LCP1: variants seen among roughly 807,000 people sequenced by gnomAD.
The protein encoded by LCP1 is lymphocyte cytosolic protein 1.
A neutral mutation model predicts 72.0 loss-of-function variants in LCP1; 23 were observed. The ratio of observed to expected loss-of-function variants is 0.32; its 90% CI spans 0.23 to 0.45. The LOEUF (loss-of-function observed/expected upper bound fraction) is 0.45. Ranked by LOEUF, LCP1 falls within the 20% of genes least tolerant of loss-of-function variation. The pLI, the probability that LCP1 is intolerant of heterozygous loss-of-function variation, is 1.00. For missense variants in LCP1, 571 were observed against 748.3 expected, an observed-to-expected ratio of 0.76 and a Z score of 2.76; for synonymous variants, 245 against 275.4, an observed-to-expected ratio of 0.89 and a Z score of 1.09.
At chr13:46,179,782 C>G (rs973817043) in intron 1 of LCP1, among the ~76,000 whole-genome samples, 3 of 151,774 alleles carry the variant, frequency 2.0e-5, no homozygotes, top group African/African-American at 4.8e-5. Flanking sequence ...GGAGGTTGAA[C>G]AGAAGGAAGT....
intron 1 of LCP1, among the ~76,000 whole-genome samples, chr13:46,178,698 C>T (rs911013733): frequency 8.5e-5 from 13 of 152,056 alleles, no homozygotes; most frequent in African/African-American, 3.1e-4. Flanking sequence ...GAAATAGTAT[C>T]ATTTCATTTG....
intron 1 of LCP1, among the ~76,000 whole-genome samples, chr13:46,174,777 C>T (rs372919511): frequency 1.2e-4 from 17 of 141,484 alleles, no homozygotes; most frequent in Admixed American, 1.5e-4. Context: ...ACCCAGTAGG[C>T]GGAAGTTGCA....
At chr13:46,172,754 G>A (rs1027385988) in intron 1 of LCP1, among the ~76,000 whole-genome samples, 2 of 146,508 alleles carry the variant, frequency 1.4e-5, no homozygotes, top group Non-Finnish European at 3.0e-5. Flanking sequence ...AATTCTGCCC[G>A]GAAACCATTT....
At chr13:46,150,218 G>T (rs1289166627) in intron 8 of LCP1, among the ~76,000 whole-genome samples, 1 of 152,172 alleles carries the variant, frequency 6.6e-6, no homozygotes, top group Non-Finnish European at 1.5e-5. Flanking sequence ...TTGCATCCCA[G>T]CATCTCCTAC....
chr13:46,153,896 G>A (rs1196486742), intron 6 of LCP1, among the ~76,000 whole-genome samples: 1 of 152,006 alleles, frequency 6.6e-6, no homozygotes, highest in Non-Finnish European at 1.5e-5. Context: ...ACATATAGTC[G>A]AGATAGAGTC....
chr13:46,155,167 T>C (rs2138255258), intron 5 of LCP1, among the ~76,000 whole-genome samples: 1 of 152,282 alleles, frequency 6.6e-6, no homozygotes, highest in Non-Finnish European at 1.5e-5. Flanking sequence ...CTTAGCACAT[T>C]AGGAAATTCT....
At chr13:46,142,453 A>C (rs2045704508) in intron 12 of LCP1, 28 bp from the exon 13 acceptor site, 1 of 1,607,714 alleles carries the variant, frequency 6.2e-7, no homozygotes, top group African/African-American at 1.3e-5. Context: ...AAAACGATTT[A>C]ACGTCATCAT....
intron 4 of LCP1, among the ~76,000 whole-genome samples, chr13:46,157,663 TC>T (rs2045811326): frequency 6.6e-6 from 1 of 152,130 alleles, no homozygotes. Context: ...CAGCAAAGGT[TC>T]TGAAAATTCC....
chr13:46,165,454 T>C (rs1159883262), intron 1 of LCP1, among the ~76,000 whole-genome samples: 1 of 152,106 alleles, frequency 6.6e-6, no homozygotes, highest in Non-Finnish European at 1.5e-5. Context: ...ATTATAAGAT[T>C]AATAAGTAAT....
chr13:46,131,013 G>T (rs1010385431), intron 14 of LCP1, 75 bp from the exon 15 acceptor site: 5 of 1,440,212 alleles, frequency 3.5e-6, no homozygotes, highest in Middle Eastern at 1.8e-4. Context: ...GAAGTGGGTG[G>T]CTTTTTCTTC....
intron 13 of LCP1, among the ~76,000 whole-genome samples, chr13:46,138,682 C>T (rs534216558): frequency 7.2e-5 from 11 of 152,214 alleles, no homozygotes; most frequent in Admixed American, 5.9e-4. Flanking sequence ...AGTCTCGCTC[C>T]GTCACCCAGG....
At position 46,142,278 on chromosome 13, in the gene LCP1, A is replaced by C. The variant is rs745657520; in HGVS notation, c.1502+14T>G. On this transcript the variant is annotated intron_variant, in intron 13 of 15. Transcript: ENST00000323076. ...ATGTATTCAAGAAAAAGCCACTTCC[A>C]TAAGCTATACTACCTTCTCATTAGC... 18 of 1,611,156 alleles carry C rather than the reference A, an allele frequency of 1.1e-5. No individual in the cohort carries two copies. Among genetic ancestry groups the C allele is most frequent in the African/African-American group, 2.7e-5 (2 of 74,924 alleles).
chr13:46,148,036 G>A (rs921589412), intron 9 of LCP1, among the ~76,000 whole-genome samples: 5 of 152,154 alleles, frequency 3.3e-5, no homozygotes, highest in Non-Finnish European at 5.9e-5. Flanking sequence ...TTAAAGTGGC[G>A]GCAAAACAGA....
At chr13:46,164,088 GAAAGCATGGAACAATGTCA>G (rs1411801846) in intron 1 of LCP1, among the ~76,000 whole-genome samples, 2 of 152,168 alleles carry the variant, frequency 1.3e-5, no homozygotes, top group Non-Finnish European at 2.9e-5. Context: ...TAGTTATCCT[GAAAGCATGGAACAATGTCA>G]AAGGTAAGGA....
In LCP1 at chr13:46,127,406, C is replaced by A; in HGVS notation, c.*185G>T. On this transcript the variant is annotated 3_prime_UTR_variant, in exon 16 of 16. Coordinates refer to ENST00000323076, the MANE Select transcript of LCP1 (RefSeq NM_002298.5). ...ACCTATATATAGGAGGTTGGGCCTCCTGCAAAGAATGAAGCACTTTTTGTT... is the reference window on the plus strand; with the variant it reads ...ACCTATATATAGGAGGTTGGGCCTCATGCAAAGAATGAAGCACTTTTTGTT... 1.6e-6 allele frequency: 1 copy of A among 607,484 alleles called. No homozygotes were observed. The highest frequency in any genetic ancestry group is 2.6e-5 in the South Asian group (1 of 39,140). 37.6% of individuals were successfully genotyped at this position (607,484 alleles called of 1,614,324 possible). A position where few individuals can be genotyped will look rare whatever the true frequency, so the allele number is the denominator to read the frequency against.
chr13:46,168,782 T>C (rs1051313564), intron 1 of LCP1, among the ~76,000 whole-genome samples: 4 of 152,238 alleles, frequency 2.6e-5, no homozygotes, highest in African/African-American at 9.6e-5. Context: ...ACCTAAATCT[T>C]TTCTGATACG....
intron 13 of LCP1, among the ~76,000 whole-genome samples, chr13:46,141,773 A>G (rs1191697018): frequency 6.6e-6 from 1 of 152,226 alleles, no homozygotes; most frequent in African/African-American, 2.4e-5. Flanking sequence ...TTGATCTATA[A>G]AATAGTAGGA....
At chr13:46,177,701 AAAACAAAC>A (rs755648927) in intron 1 of LCP1, among the ~76,000 whole-genome samples, 1 of 152,266 alleles carries the variant, frequency 6.6e-6, no homozygotes, top group African/African-American at 2.4e-5. Context: ...TCTGTCTCAA[AAAACAAAC>A]AAACAAACAA....
Position 46,144,563 on chromosome 13 carries a change from CAT to C in LCP1, c.1175-45_1175-44del, listed in dbSNP as rs770362772. Reference sequence around the variant, plus strand: ...GGTTATCTTTTGGGACCGAAGAAAACATAGCTTTTTTATGACCAAAGTTTAAC... The same window carrying C: ...GGTTATCTTTTGGGACCGAAGAAAACAGCTTTTTTATGACCAAAGTTTAAC... On this transcript the variant is annotated intron_variant, in intron 10 of 15. Coordinates refer to ENST00000323076, the MANE Select transcript of LCP1 (RefSeq NM_002298.5). The C allele has an allele frequency of 4.8e-6, 7 of 1,444,448 alleles. No individual in the cohort carries two copies. In the South Asian group the frequency reaches 8.1e-5, roughly 17 times the overall value. 89.5% of individuals were successfully genotyped at this position (1,444,448 alleles called of 1,614,324 possible).
Sources: gnomAD v4.1 joint callset for allele counts (sites outside exome capture counted in the v4.1 genomes callset) on GRCh38, gnomAD v4.1.1 for gene constraint, MANE v1.5 for transcripts, NCBI Gene and HGNC (gene_info 2026-07-23, HGNC 2026-07-21) for gene names.